Variants in AKAP13 observed in about 807,000 individuals in gnomAD.
AKAP13 encodes the protein A-kinase anchor protein 13.
AKAP13 carries 80 observed loss-of-function variants against 264.5 expected under a neutral mutation model. The ratio of observed to expected loss-of-function variants is 0.30; its 90% CI spans 0.25 to 0.36. AKAP13 has a LOEUF of 0.36. Among genes scored for constraint, AKAP13 ranks in the 10% least tolerant of loss-of-function variants. The pLI is 1.00. For synonymous variants in AKAP13, 1,380 were observed against 1,250.2 expected, an observed-to-expected ratio of 1.10 and a Z score of -2.19; for missense variants, 3,712 against 3,435.2, an observed-to-expected ratio of 1.08 and a Z score of -2.01.
Position 85,710,562 on chromosome 15 carries a change from AC to A in AKAP13, c.5533-16del, listed in dbSNP as rs754939590. 1.2e-6 allele frequency: 2 copies of A among 1,612,842 alleles called. No homozygotes were observed. Among genetic ancestry groups the A allele is most frequent in the Non-Finnish European group, 1.7e-6 (2 of 1,179,362 alleles). On this transcript the variant is annotated splice_polypyrimidine_tract_variant and intron_variant, in intron 18 of 36. Transcript: ENST00000394518. ...TCAGAGGTGAATTGTCAATGGACTT[AC>A]TTTCTTTCTCTTTAGCAGCCCAAAG... is the stretch of plus-strand genomic sequence containing the variant.
intron 1 of AKAP13, among the ~76,000 whole-genome samples, chr15:85,450,036 C>T (rs1414826970): frequency 2.6e-5 from 4 of 152,006 alleles, no homozygotes; most frequent in African/African-American, 7.3e-5. Flanking sequence ...GGCTGTGAAT[C>T]CATCAGGTCC....
chr15:85,682,236 TTTCCAGAAATAA>T, intron 15 of AKAP13, 24 bp downstream of exon 15: 1 of 1,605,948 alleles, frequency 6.2e-7, no homozygotes, highest in South Asian at 1.1e-5. Context: ...GTTACTCCTT[TTTCCAGAAATAA>T]AATGAAGAAA....
At chr15:85,630,166 TACACACACACACACACACACACACAC>T in intron 8 of AKAP13, among the ~76,000 whole-genome samples, 2 of 100,186 alleles carry the variant, frequency 2.0e-5, no homozygotes, top group African/African-American at 7.7e-5. Context: ...TTTTAACACA[TACACACACACACACACACACACACAC>T]ACACACACAC....
intron 1 of AKAP13, among the ~76,000 whole-genome samples, chr15:85,468,917 A>ATT (rs924610338): frequency 1.5e-5 from 2 of 133,080 alleles, no homozygotes. Context: ...AGGTGTGTAA[A>ATT]TTTTTTTTTT....
intron 10 of AKAP13, among the ~76,000 whole-genome samples, chr15:85,651,247 G>T (rs1302384854): frequency 3.3e-5 from 5 of 152,114 alleles, no homozygotes. Context: ...TAGAAAATTT[G>T]GAGAATTGTA....
At chr15:85,383,178 C>T (rs1443381179) in intron 1 of AKAP13, among the ~76,000 whole-genome samples, 1 of 152,050 alleles carries the variant, frequency 6.6e-6, no homozygotes, top group Non-Finnish European at 1.5e-5. Context: ...CAGACGTGAG[C>T]CACTCCACCC....
Position 85,382,903 on chromosome 15 carries a change from G to A in AKAP13, c.-12+2105G>A, listed in dbSNP as rs374103768. Among the ~76,000 whole-genome samples the A allele has an allele frequency of 1.4e-4, 22 of 152,352 alleles. No homozygotes were observed. In the East Asian group the frequency reaches 3.7e-3, roughly 25 times the overall value. On this transcript the variant is annotated intron_variant, in intron 1 of 36. Coordinates refer to ENST00000394518, the MANE Select transcript of AKAP13 (RefSeq NM_007200.5). ...AACTGGGGACCTGTCCAGAATGACAGTTCACTTGCAGATCTGTGATGACAT... is the reference window on the plus strand; with the variant it reads ...AACTGGGGACCTGTCCAGAATGACAATTCACTTGCAGATCTGTGATGACAT...
At chr15:85,626,233 C>T (rs1317132888) in intron 8 of AKAP13, among the ~76,000 whole-genome samples, 2 of 152,202 alleles carry the variant, frequency 1.3e-5, no homozygotes, top group East Asian at 1.9e-4. Flanking sequence ...GCTGCTCATT[C>T]ATTTCTTAAT....
At chr15:85,667,455 GAA>G (rs889477668) in intron 13 of AKAP13, among the ~76,000 whole-genome samples, 2 of 152,060 alleles carry the variant, frequency 1.3e-5, no homozygotes, top group African/African-American at 4.8e-5. Flanking sequence ...GAGAAAGGAA[GAA>G]AAAAATAGGA....
intron 9 of AKAP13, among the ~76,000 whole-genome samples, chr15:85,644,521 T>G (rs796666478): frequency 3.3e-4 from 50 of 149,846 alleles, no homozygotes; most frequent in African/African-American, 8.5e-4. Context: ...GATTACAGGC[T>G]TGAGCCACCA....
At chr15:85,445,351 G>C (rs2150966048) in intron 1 of AKAP13, among the ~76,000 whole-genome samples, 1 of 152,202 alleles carries the variant, frequency 6.6e-6, no homozygotes, top group Non-Finnish European at 1.5e-5. Context: ...AGGCTTTGAT[G>C]GTATCACTGG....
chr15:85,496,393 T>G (rs1165805120), intron 2 of AKAP13, among the ~76,000 whole-genome samples: 1 of 152,190 alleles, frequency 6.6e-6, no homozygotes, highest in East Asian at 1.9e-4. Context: ...CTGTTTATGC[T>G]AATTAAAACA....
chr15:85,591,102 T>A (rs998046730), intron 8 of AKAP13, among the ~76,000 whole-genome samples: 1 of 152,228 alleles, frequency 6.6e-6, no homozygotes, highest in Non-Finnish European at 1.5e-5. Flanking sequence ...CCTTAAAGAT[T>A]TTCTGAAGTC....
rs1325505815 is a variant in AKAP13 at position 85,664,831 on chromosome 15, G to C, written c.4992+76G>C. On this transcript the variant is annotated intron_variant, in intron 13 of 36. Coordinates refer to ENST00000394518, the MANE Select transcript of AKAP13 (RefSeq NM_007200.5). ...AACATAGAAGGCAAGGCTTCTGGTAGTATAAGGCTAGTAGCTATGATTACT... is the reference window on the plus strand; with the variant it reads ...AACATAGAAGGCAAGGCTTCTGGTACTATAAGGCTAGTAGCTATGATTACT... 4 of 1,369,518 alleles carry C rather than the reference G, an allele frequency of 2.9e-6. No homozygotes were observed. In the East Asian group the frequency reaches 9.5e-5, roughly 33 times the overall value. The allele number at this position is 1,369,518 out of a possible 1,614,324, so 84.8% of individuals were successfully genotyped here.
At chr15:85,650,788 A>AC (rs768446535) in intron 10 of AKAP13, among the ~76,000 whole-genome samples, 40 of 124,946 alleles carry the variant, frequency 3.2e-4, no homozygotes, top group Non-Finnish European at 4.9e-4. Flanking sequence ...AAAAAAAAAA[A>AC]AACAACAAAA....
At chr15:85,436,924 G>C (rs2073329636) in intron 1 of AKAP13, among the ~76,000 whole-genome samples, 1 of 151,846 alleles carries the variant, frequency 6.6e-6, no homozygotes, top group African/African-American at 2.4e-5. Flanking sequence ...AAAAGCAAGA[G>C]CAAACACATT....
chr15:85,441,204 C>CT (rs562404280), intron 1 of AKAP13, among the ~76,000 whole-genome samples: 1 of 150,148 alleles, frequency 6.7e-6, no homozygotes, highest in African/African-American at 2.5e-5. Context: ...TATTTTTAAT[C>CT]TTTTTTTTAA....
intron 5 of AKAP13, among the ~76,000 whole-genome samples, chr15:85,560,498 C>T (rs1158634435): frequency 2.0e-5 from 3 of 152,098 alleles, no homozygotes; most frequent in African/African-American, 7.2e-5. Flanking sequence ...TCATGATGCA[C>T]CTGCATAAGA....
intron 1 of AKAP13, among the ~76,000 whole-genome samples, chr15:85,429,202 C>T (rs2072924673): frequency 2.0e-5 from 3 of 152,188 alleles, no homozygotes; most frequent in Admixed American, 2.0e-4. Flanking sequence ...CTTGGGCCCC[C>T]TATCTGTTTT....
Sources: allele counts gnomAD v4.1 joint callset (sites outside exome capture counted in the v4.1 genomes callset), GRCh38; gene constraint gnomAD v4.1.1; transcripts MANE v1.5; gene names NCBI Gene and HGNC (gene_info 2026-07-23, HGNC 2026-07-21).